The following ZNF236 variants were observed in gnomAD, a reference collection of about 807,000 sequenced individuals.
ZNF236 encodes regulated by glucose.
In ZNF236, 50 loss-of-function variants were observed where a neutral mutation model predicts 191.2. That is an observed-to-expected ratio of 0.26 (90% confidence interval 0.21 to 0.33). The LOEUF (loss-of-function observed/expected upper bound fraction) is 0.33, where lower values mean the gene tolerates loss of function less well. ZNF236 is among the 10% of genes least tolerant of loss of function. The pLI, the probability that ZNF236 is intolerant of heterozygous loss-of-function variation, is 1.00. For synonymous variants in ZNF236, 907 were observed against 928.8 expected (o/e 0.98, Z 0.43); for missense variants, 1,754 against 2,374.5 (o/e 0.74, Z 5.43).
At chr18:76,967,435 T>G (rs1273072) in intron 30 of ZNF236, among the ~76,000 whole-genome samples, 19 of 14,856 alleles carry the variant, frequency 1.3e-3, no homozygotes, top group Admixed American at 1.6e-3. Context: ...TTGTGATTTG[T>G]TGTTGGAGGT....
chr18:76,850,659 G>T (rs990176303), intron 2 of ZNF236, among the ~76,000 whole-genome samples: 6 of 151,976 alleles, frequency 3.9e-5, no homozygotes, highest in Admixed American at 3.9e-4. Context: ...AGCCTGGAGA[G>T]TGGCACCATC....
At chr18:76,836,589 A>G (rs1013685901) in intron 1 of ZNF236, among the ~76,000 whole-genome samples, 4 of 148,288 alleles carry the variant, frequency 2.7e-5, no homozygotes, top group Non-Finnish European at 6.0e-5. Context: ...TATTATTATT[A>G]TTTTTTGAGA....
chr18:76,938,016 A>G lies in ZNF236; in HGVS notation c.4782+673A>G, dbSNP rs974009953. Among the ~76,000 whole-genome samples the G allele has an allele frequency of 2.0e-5, 3 of 152,220 alleles. No individual in the cohort carries two copies. The East Asian group carries it at 5.8e-4, about 29-fold the overall frequency. ...GAATTTTCATAGTTGACTGTAAAAAAGTCTATTCTTAGTTGATGTAAATTG... is the reference window on the plus strand; with the variant it reads ...GAATTTTCATAGTTGACTGTAAAAAGGTCTATTCTTAGTTGATGTAAATTG... On this transcript the variant is annotated intron_variant, in intron 26 of 30. Transcript: ENST00000320610.
At chr18:76,966,346 C>A (rs1196771266) in intron 30 of ZNF236, among the ~76,000 whole-genome samples, 1 of 152,092 alleles carries the variant, frequency 6.6e-6, no homozygotes, top group Admixed American at 6.5e-5. Flanking sequence ...CACACACACA[C>A]ACACACACAC....
At chr18:76,837,703 A>T (rs1237954775) in intron 1 of ZNF236, among the ~76,000 whole-genome samples, 1 of 151,948 alleles carries the variant, frequency 6.6e-6, no homozygotes, top group Non-Finnish European at 1.5e-5. Flanking sequence ...AGCCTCCCAA[A>T]GTGCTGGGAT....
intron 19 of ZNF236, among the ~76,000 whole-genome samples, chr18:76,916,382 T>C (rs1967364571): frequency 6.6e-6 from 1 of 152,172 alleles, no homozygotes; most frequent in Non-Finnish European, 1.5e-5. Context: ...TGGTAGCAGT[T>C]ATGGACTGCT....
chr18:76,843,124 TAAG>T (rs1458567445), intron 1 of ZNF236, among the ~76,000 whole-genome samples: 1 of 152,088 alleles, frequency 6.6e-6, no homozygotes, highest in Non-Finnish European at 1.5e-5. Flanking sequence ...GTGTATAAAA[TAAG>T]AATAGTCAAA....
At position 76,939,630 on chromosome 18, in the gene ZNF236, C is replaced by T. The variant is rs186663611; in HGVS notation, c.4782+2287C>T. 5.9e-5 allele frequency among the ~76,000 whole-genome samples: 9 copies of T among 152,310 alleles called. No individual in the cohort carries two copies. In the East Asian group the frequency reaches 1.2e-3, roughly 20 times the overall value. On this transcript the variant is annotated intron_variant, in intron 26 of 30. Coordinates refer to ENST00000320610, the MANE Select transcript of ZNF236 (RefSeq NM_001306089.2). ...AACTCAGAGTCATTTGTCTTTCCCA[C>T]GTTTTTATTTGCTGCTAAGATGTTG...
chr18:76,917,686 G>A lies in ZNF236; in HGVS notation c.3274+1827G>A, dbSNP rs189483521. 8.8e-4 allele frequency among the ~76,000 whole-genome samples: 134 copies of A among 152,160 alleles called. 2 individuals are homozygous for A. The highest frequency in any genetic ancestry group is 1.4e-3 in the Non-Finnish European group (98 of 68,008). The stretch of plus-strand genomic sequence containing the variant: ...CTGTCTGTCTGTCGTGCTTAATTTT[G>A]TTGTTCTCTGTCTCCAGTCTGTGCT... On this transcript the variant is annotated intron_variant, in intron 19 of 30. Coordinates refer to ENST00000320610, the MANE Select transcript of ZNF236 (RefSeq NM_001306089.2).
intron 3 of ZNF236, among the ~76,000 whole-genome samples, chr18:76,855,508 A>G (rs765417478): frequency 6.6e-6 from 1 of 152,174 alleles, no homozygotes; most frequent in Non-Finnish European, 1.5e-5. Flanking sequence ...TCAGTTAACT[A>G]TGTGTCTTAA....
rs1977621316 is a variant in ZNF236 at position 76,902,393 on chromosome 18, T to C, written c.1895-1987T>C. Among the ~76,000 whole-genome samples, 4 of 152,078 alleles carry C rather than the reference T, an allele frequency of 2.6e-5. No individual in the cohort carries two copies. The South Asian group carries it at 8.3e-4, about 32-fold the overall frequency. ...AGAGTAAGTGAAAGTAGAATGCTCA[T>C]TGAGGAAGCTAGCGGTAGTCCAGGG... On this transcript the variant is annotated intron_variant, in intron 11 of 30. Coordinates refer to ENST00000320610, the MANE Select transcript of ZNF236 (RefSeq NM_001306089.2).
chr18:76,895,034 G>T lies in ZNF236; in HGVS notation c.1439G>T (p.Gly480Val). 1 of 1,610,250 alleles carries T rather than the reference G, an allele frequency of 6.2e-7. No homozygotes were observed. Among genetic ancestry groups the T allele is most frequent in the Non-Finnish European group, 8.5e-7 (1 of 1,179,964 alleles). The part of the protein sequence containing the change: ...FLPGSIREEN[G>V]VRWHVCPYCA... The stretch of plus-strand genomic sequence containing the variant: ...ACAGGCTCCATCCGCGAGGAGAACG[G>T]CGTGCGCTGGCATGTGTGTCCCTAC... The change falls in exon 10 of 31, where the codon GGC (glycine) becomes GTC (valine). Residue 480 changes from glycine to valine, a missense_variant. Physicochemically the swap from Gly to Val is moderately radical, Grantham distance 109 (BLOSUM62 -3). Around this residue, in one of 5 missense-constraint regions of ZNF236, gnomAD observed 126 missense variants for 110.9 expected, o/e 1.14. Coordinates refer to ENST00000320610, the MANE Select transcript of ZNF236 (RefSeq NM_001306089.2).
In ZNF236 at chr18:76,926,437, T is replaced by C. The variant is rs577896559; in HGVS notation, c.4028-600T>C. 3.9e-5 allele frequency among the ~76,000 whole-genome samples: 6 copies of C among 151,938 alleles called. No homozygotes were observed. The South Asian group carries it at 1.2e-3, about 32-fold the overall frequency. On this transcript the variant is annotated intron_variant, in intron 22 of 30. Transcript: ENST00000320610. The stretch of plus-strand genomic sequence containing the variant: ...CAGTGTATTTGTGTATGGTATAAAG[T>C]AGGTTTCTGGGGTGATTAGACATTG...
chr18:76,857,021 C>T (rs1219605212), intron 3 of ZNF236, among the ~76,000 whole-genome samples: 1 of 152,226 alleles, frequency 6.6e-6, no homozygotes, highest in Non-Finnish European at 1.5e-5. Flanking sequence ...CAGTGTAGCC[C>T]ATCCCCGCAG....
At chr18:76,867,127 C>T (rs181958541) in intron 3 of ZNF236, among the ~76,000 whole-genome samples, 144 of 151,424 alleles carry the variant, frequency 9.5e-4, no homozygotes, top group African/African-American at 3.2e-3. Flanking sequence ...GAGCGGGCTG[C>T]GAGGGGTTTT....
chr18:76,862,461 A>G (rs1417377347), intron 3 of ZNF236, among the ~76,000 whole-genome samples: 1 of 152,100 alleles, frequency 6.6e-6, no homozygotes, highest in African/African-American at 2.4e-5. Context: ...GGGCCCAAGC[A>G]GGGAGCTAAC....
Position 76,920,002 on chromosome 18 carries a change from C to T in ZNF236, c.3501C>T (p.His1167=), listed in dbSNP as rs199601640. 7.4e-5 allele frequency: 119 copies of T among 1,613,274 alleles called. No individual in the cohort carries two copies. Among genetic ancestry groups the T allele is most frequent in the Admixed American group, 3.7e-4 (22 of 59,994 alleles). The stretch of plus-strand genomic sequence containing the variant: ...CGGAGCTGCAGGACGAGCCCAAGCA[C>T]GCCAACTGCTGCACATACTGCCCCA... ...KQAELQDEPK[H]ANCCTYCPKS... The change falls in exon 20 of 31, where the codon CAC becomes CAT. Residue 1167 remains histidine, a synonymous_variant. Transcript: ENST00000320610.
intron 19 of ZNF236, among the ~76,000 whole-genome samples, chr18:76,916,838 G>GA (rs904527786): frequency 1.3e-5 from 2 of 152,192 alleles, no homozygotes; most frequent in Admixed American, 6.5e-5. Context: ...GCTGTGTGGA[G>GA]ACAGGGGTGC....
Position 76,912,334 on chromosome 18 carries a change from A to C in ZNF236, c.2896A>C (p.Arg966=), listed in dbSNP as rs762526458. 7 of 1,613,922 alleles carry C rather than the reference A, an allele frequency of 4.3e-6. No individual in the cohort carries two copies. Among genetic ancestry groups the C allele is most frequent in the Non-Finnish European group, 5.9e-6 (7 of 1,179,866 alleles). Residue 966 remains arginine (R), a synonymous_variant, in exon 17 of 31, where the codon AGG becomes CGG. Coordinates refer to ENST00000320610, the MANE Select transcript of ZNF236 (RefSeq NM_001306089.2). ...QFLEDNEDQS[R]RSYRCDYCNK... The stretch of plus-strand genomic sequence containing the variant: ...TCTGGAGGACAACGAGGACCAGAGC[A>C]GGCGCTCTTACAGGTAGTTGTCTGC...
Sources: allele counts gnomAD v4.1 joint callset (sites outside exome capture counted in the v4.1 genomes callset), GRCh38; gene constraint gnomAD v4.1.1; regional missense constraint gnomAD v4.1.1; transcripts MANE v1.5; gene names NCBI Gene and HGNC (gene_info 2026-07-23, HGNC 2026-07-21).